The following TXN variants were observed in gnomAD, a reference collection of about 807,000 sequenced individuals.
TXN encodes the protein ADF.
A neutral mutation model predicts 16.5 loss-of-function variants in TXN; 10 were observed. That is an observed-to-expected ratio of 0.61 (90% CI 0.37 to 1.03). TXN has a LOEUF of 1.03. TXN is among the 50% of genes least tolerant of loss of function. The pLI, the probability that TXN is intolerant of heterozygous loss-of-function variation, is 0.01. For synonymous variants in TXN, 35 were observed against 39.4 expected, an observed-to-expected ratio of 0.89 and a Z score of 0.42; for missense variants, 71 against 122.5, an observed-to-expected ratio of 0.58 and a Z score of 1.98.
Position 110,256,460 on chromosome 9 carries a change from G to T in TXN, c.-25C>A, listed in dbSNP as rs1030896102. ...TCTTGGCTGCTGGAGTCTGACGAGCGGCTGTAAGGACCGATGGAAATGGAT... is the reference window on the plus strand; with the variant it reads ...TCTTGGCTGCTGGAGTCTGACGAGCTGCTGTAAGGACCGATGGAAATGGAT... On this transcript the variant is annotated 5_prime_UTR_variant, in exon 1 of 5. Coordinates refer to ENST00000374517, the MANE Select transcript of TXN (RefSeq NM_003329.4). This position sits in a 1 kb window ranked among gnomAD's most constrained non-coding sequence, Gnocchi z 4.2. The T allele has an allele frequency of 6.2e-7, 1 of 1,603,308 alleles. No individual in the cohort carries two copies. The highest frequency in any genetic ancestry group is 1.7e-5 in the Admixed American group (1 of 58,652).
chr9:110,244,715 T>C, intron 4 of TXN, 63 bp downstream of exon 4: 3 of 1,377,494 alleles, frequency 2.2e-6, no homozygotes, highest in Non-Finnish European at 3.1e-6. Context: ...ACTCCAGTGA[T>C]TTATTCACTT....
Position 110,250,825 on chromosome 9 carries a change from A to G in TXN, c.184T>C (p.Cys62Arg). The change falls in exon 3 of 5, where the codon TGT becomes CGT. Residue 62 changes from cysteine to arginine, a missense_variant. By Grantham distance (180) the Cys-to-Arg change is radical. Transcript: ENST00000374517. ...TCATATTTCCAGCTACATACCTGAC[A>G]GTCATCCACATCTACTTCAAGGAAT... ...VIFLEVDVDD[C>R]QDVASECEVK... 1.2e-6 allele frequency: 2 copies of G among 1,609,248 alleles called. No homozygotes were observed. The highest frequency in any genetic ancestry group is 1.7e-6 in the Non-Finnish European group (2 of 1,178,076).
chr9:110,251,020 T>A, intron 2 of TXN, 141 bp from the exon 3 acceptor site: 1 of 659,072 alleles, frequency 1.5e-6, no homozygotes, highest in Non-Finnish European at 2.6e-6. Context: ...GAGACATAGA[T>A]CTAAGAGACA....
chr9:110,255,474 A>G (rs900732554), intron 1 of TXN, among the ~76,000 whole-genome samples: 1 of 152,246 alleles, frequency 6.6e-6, no homozygotes, highest in African/African-American at 2.4e-5. Flanking sequence ...AACGATCGGG[A>G]TACCGATAGG....
intron 1 of TXN, among the ~76,000 whole-genome samples, chr9:110,255,287 A>C (rs563046504): frequency 6.6e-6 from 1 of 152,326 alleles, no homozygotes; most frequent in East Asian, 1.9e-4. Flanking sequence ...GAGCAGTATC[A>C]ATTTCCTCCA....
intron 3 of TXN, among the ~76,000 whole-genome samples, 174 bp downstream of exon 3, chr9:110,250,646 T>C (rs1315708239): frequency 6.6e-6 from 1 of 152,242 alleles, no homozygotes; most frequent in African/African-American, 2.4e-5. Context: ...GATATACAGC[T>C]CCCGATAGCT....
In TXN at chr9:110,256,497, A is replaced by C. The variant is rs543489023; in HGVS notation, c.-62T>G. On this transcript the variant is annotated 5_prime_UTR_variant, in exon 1 of 5. Coordinates refer to ENST00000374517, the MANE Select transcript of TXN (RefSeq NM_003329.4). This position sits in a 1 kb window ranked among gnomAD's most constrained non-coding sequence, Gnocchi z 4.2. ...CGATGGAAATGGATCCAAAGCACCA[A>C]ACAGAGCTTCAAGACTCGCTGCTTG... is the stretch of plus-strand genomic sequence containing the variant. 13 of 1,555,040 alleles carry C rather than the reference A, an allele frequency of 8.4e-6. No individual in the cohort carries two copies. The highest frequency in any genetic ancestry group is 1.1e-5 in the Non-Finnish European group (12 of 1,142,224).
In TXN at chr9:110,244,051, C is replaced by T. The variant is rs1837613727; in HGVS notation, c.*106G>A. The T allele has an allele frequency of 3.3e-5, 16 of 488,984 alleles. No homozygotes were observed. The highest frequency in any genetic ancestry group is 8.8e-5 in the Admixed American group (2 of 22,800). The allele number at this position is 488,984 out of a possible 1,614,324, so 30.3% of individuals were successfully genotyped here. ...TGTTAGCATTAATGTTTTATTGTCA[C>T]GCAGATGGCAACTGGGTTTATGTCT... On this transcript the variant is annotated 3_prime_UTR_variant, in exon 5 of 5. Coordinates refer to ENST00000374517, the MANE Select transcript of TXN (RefSeq NM_003329.4).
At chr9:110,253,733 T>C (rs1319186135) in intron 1 of TXN, among the ~76,000 whole-genome samples, 1 of 152,216 alleles carries the variant, frequency 6.6e-6, no homozygotes, top group Non-Finnish European at 1.5e-5. Context: ...ACCCCACGTA[T>C]GTGCAGGCTT....
At chr9:110,251,921 C>T (rs1837743387) in intron 1 of TXN, among the ~76,000 whole-genome samples, 1 of 152,092 alleles carries the variant, frequency 6.6e-6, no homozygotes, top group Non-Finnish European at 1.5e-5. Flanking sequence ...TGAAACATCA[C>T]AAGTTACTTA....
chr9:110,248,998 C>T (rs762764210), intron 3 of TXN, among the ~76,000 whole-genome samples: 30 of 151,512 alleles, frequency 2.0e-4, no homozygotes, highest in Admixed American at 7.2e-4. Flanking sequence ...CATGGTGGTG[C>T]ATGCCTGTAA....
At chr9:110,251,133 A>C (rs1309366930) in intron 2 of TXN, among the ~76,000 whole-genome samples, 1 of 152,184 alleles carries the variant, frequency 6.6e-6, no homozygotes, top group Admixed American at 6.5e-5. Context: ...TGTGGGGAAA[A>C]AAAGAACTAT....
rs1443841516 is a variant in TXN at position 110,256,179 on chromosome 9, G to T, written c.24+233C>A. The stretch of plus-strand genomic sequence containing the variant: ...GGCACCGCCACTCCGCCCTCCAGGG[G>T]ACCCTCGTCCTTCTCCTCCCTTCCT... On this transcript the variant is annotated intron_variant, in intron 1 of 4. Coordinates refer to ENST00000374517, the MANE Select transcript of TXN (RefSeq NM_003329.4). The surrounding 1 kb of genome is among the most constrained non-coding windows in gnomAD (Gnocchi z 4.2). Among the ~76,000 whole-genome samples the T allele has an allele frequency of 6.6e-6, 1 of 152,142 alleles. No homozygotes were observed.
chr9:110,252,245 A>AAAAAAAAAAAAAAAAAAAG (rs199937630), intron 1 of TXN, among the ~76,000 whole-genome samples: 12 of 136,200 alleles, frequency 8.8e-5, no homozygotes, highest in East Asian at 2.4e-4. Context: ...AAAAAAAAAA[A>AAAAAAAAAAAAAAAAAAAG]GCTATGACTT....
At chr9:110,249,095 C>CCA (rs1172150068) in intron 3 of TXN, among the ~76,000 whole-genome samples, 6 of 134,968 alleles carry the variant, frequency 4.4e-5, no homozygotes, top group Non-Finnish European at 9.2e-5. Flanking sequence ...CCACTGCACT[C>CCA]CACCCCAGGT....
intron 3 of TXN, among the ~76,000 whole-genome samples, chr9:110,249,033 CAG>C (rs1491396050): frequency 2.9e-5 from 4 of 139,382 alleles, no homozygotes; most frequent in Non-Finnish European, 3.0e-5. Context: ...GAGGCTGAGA[CAG>C]AGGATTGCTT....
chr9:110,255,199 G>A (rs1382959562), intron 1 of TXN, among the ~76,000 whole-genome samples: 1 of 152,252 alleles, frequency 6.6e-6, no homozygotes, highest in Non-Finnish European at 1.5e-5. Flanking sequence ...GGCGGGCGAG[G>A]ACCCGCCCTC....
chr9:110,245,654 ATTTTT>A (rs1228829953), intron 3 of TXN, among the ~76,000 whole-genome samples: 13 of 21,784 alleles, frequency 6.0e-4, no homozygotes, highest in South Asian at 4.9e-3. Context: ...ATATATATAT[ATTTTT>A]TTTTTTTTTT....
chr9:110,251,694 A>T (rs1040726428), intron 1 of TXN, among the ~76,000 whole-genome samples: 1 of 152,006 alleles, frequency 6.6e-6, no homozygotes, highest in Non-Finnish European at 1.5e-5. Flanking sequence ...ATGAAACAAG[A>T]TATGTGTAGA....
Sources: gnomAD v4.1 joint callset for allele counts (sites outside exome capture counted in the v4.1 genomes callset) on GRCh38, gnomAD v4.1.1 for gene constraint, Gnocchi (gnomAD v3.1) non-coding constraint, MANE v1.5 for transcripts, NCBI Gene and HGNC (gene_info 2026-07-23, HGNC 2026-07-21) for gene names.